Variants in ZRANB3 observed in about 807,000 individuals in gnomAD.
The protein encoded by ZRANB3 is DNA annealing helicase and endonuclease ZRANB3.
Under a neutral mutation model 133.8 loss-of-function variants are expected in ZRANB3, and 125 were observed. That is an observed-to-expected ratio of 0.93 (90% CI 0.81 to 1.08). ZRANB3 has a LOEUF of 1.08. Ranked by LOEUF, ZRANB3 falls within the 50% of genes least tolerant of loss-of-function variation. The pLI, the probability that ZRANB3 is intolerant of heterozygous loss-of-function variation, is 0.00. For missense variants in ZRANB3, 1,229 were observed against 1,275.5 expected (o/e 0.96, Z 0.56); for synonymous variants, 387 against 432.7 (o/e 0.89, Z 1.31).
chr2:135,284,285 A>G (rs1459735992), intron 8 of ZRANB3, among the ~76,000 whole-genome samples: 1 of 152,266 alleles, frequency 6.6e-6, no homozygotes, highest in Non-Finnish European at 1.5e-5. Flanking sequence ...TGATTGGCAC[A>G]TAGTGAACAT....
chr2:135,334,788 A>G lies in ZRANB3; in HGVS notation c.677+10762T>C, dbSNP rs1292754175. 1.3e-5 allele frequency among the ~76,000 whole-genome samples: 2 copies of G among 151,930 alleles called. 1 individual carries two copies. Among genetic ancestry groups the G allele is most frequent in the Admixed American group, 1.3e-4 (2 of 15,242 alleles). On this transcript the variant is annotated intron_variant, in intron 6 of 20. Coordinates refer to ENST00000264159, the MANE Select transcript of ZRANB3 (RefSeq NM_032143.4). ...CGCGCGCCTGTAGTCCCAGCTACTT[A>G]GGAGGCTGAGGCAAGAGAATCGGTT...
Position 135,197,519 on chromosome 2 carries a change from G to C in ZRANB3, c.*2823C>G, listed in dbSNP as rs1212696715. ...AATCTCCCCAAGAAATGTACGTTGG[G>C]CTGTAATTAACGCCAAGAGTGGGCG... On this transcript the variant is annotated 3_prime_UTR_variant, in exon 21 of 21. Transcript: ENST00000264159. 1 of 152,220 alleles carries C rather than the reference G, an allele frequency of 6.6e-6. No homozygotes were observed. The highest frequency in any genetic ancestry group is 1.5e-5 in the Non-Finnish European group (1 of 68,030). 9.4% of individuals were successfully genotyped at this position (152,220 alleles called of 1,614,324 possible).
intron 1 of ZRANB3, among the ~76,000 whole-genome samples, chr2:135,530,330 G>C (rs753601414): frequency 5.3e-5 from 8 of 152,106 alleles, no homozygotes; most frequent in Admixed American, 1.3e-4. Context: ...AAATTTAGCC[G>C]TGCAATCTAA....
At chr2:135,515,075 A>C (rs1322072921) in intron 1 of ZRANB3, among the ~76,000 whole-genome samples, 3 of 152,160 alleles carry the variant, frequency 2.0e-5, no homozygotes, top group Non-Finnish European at 2.9e-5. Context: ...GATGTTCATC[A>C]GAAATAATGG....
At chr2:135,204,609 G>A (rs1270715100) in intron 19 of ZRANB3, among the ~76,000 whole-genome samples, 1 of 141,358 alleles carries the variant, frequency 7.1e-6, no homozygotes, top group African/African-American at 2.7e-5. Context: ...GATCATCCTG[G>A]GAAACACAGT....
intron 10 of ZRANB3, among the ~76,000 whole-genome samples, chr2:135,270,576 C>G (rs953124176): frequency 7.2e-5 from 11 of 152,220 alleles, no homozygotes; most frequent in Non-Finnish European, 1.2e-4. Flanking sequence ...ATTCTAAGCC[C>G]TTTTTGATGA....
At chr2:135,286,040 CATT>C (rs1352912049) in intron 8 of ZRANB3, among the ~76,000 whole-genome samples, 4 of 152,212 alleles carry the variant, frequency 2.6e-5, no homozygotes, top group African/African-American at 4.8e-5. Flanking sequence ...TATTTATCAT[CATT>C]ATTTTAAAAA....
chr2:135,202,837 T>C lies in ZRANB3; in HGVS notation c.3136A>G (p.Lys1046Glu). The C allele has an allele frequency of 6.2e-7, 1 of 1,607,376 alleles. No individual in the cohort carries two copies. The highest frequency in any genetic ancestry group is 1.1e-5 in the South Asian group (1 of 89,382). The change falls in exon 20 of 21, where the codon AAA becomes GAA. Residue 1046 changes from lysine to glutamate, a missense_variant. Physicochemically the swap from Lys to Glu is moderately conservative, Grantham distance 56. Transcript: ENST00000264159. The part of the protein sequence containing the change: ...NLQTLCTVCH[K>E]ERTARQAKER... ...TATATGAGAGCTTCACTGACCTCTT[T>C]GTGACAGACTGTGCAGAGAGTCTGC...
chr2:135,403,170 G>T (rs529100445), intron 2 of ZRANB3, among the ~76,000 whole-genome samples: 1 of 152,210 alleles, frequency 6.6e-6, no homozygotes, highest in Non-Finnish European at 1.5e-5. Context: ...CCTCACACGG[G>T]AACCGCAAGG....
chr2:135,253,118 C>T (rs1679482958), intron 12 of ZRANB3, among the ~76,000 whole-genome samples: 1 of 152,118 alleles, frequency 6.6e-6, no homozygotes, highest in East Asian at 1.9e-4. Flanking sequence ...CCTGATAGTA[C>T]CAAAGTAAAA....
chr2:135,405,967 G>T (rs897918591), intron 2 of ZRANB3, among the ~76,000 whole-genome samples: 3 of 152,032 alleles, frequency 2.0e-5, no homozygotes, highest in Admixed American at 2.0e-4. Context: ...AAATAACTAA[G>T]ATCAGAGTAG....
chr2:135,242,489 G>A (rs1695595657), intron 12 of ZRANB3, among the ~76,000 whole-genome samples: 1 of 151,228 alleles, frequency 6.6e-6, no homozygotes. Flanking sequence ...TGGGGTCTCA[G>A]TGTTACCCAG....
At chr2:135,371,932 T>A (rs1686199698) in intron 3 of ZRANB3, among the ~76,000 whole-genome samples, 1 of 151,970 alleles carries the variant, frequency 6.6e-6, no homozygotes, top group Non-Finnish European at 1.5e-5. Context: ...TTCTAACACT[T>A]TGGGAGGCCA....
At chr2:135,343,996 A>C (rs1332346999) in intron 6 of ZRANB3, among the ~76,000 whole-genome samples, 1 of 152,226 alleles carries the variant, frequency 6.6e-6, no homozygotes, top group Non-Finnish European at 1.5e-5. Context: ...CATGCCCTTT[A>C]AACTAGCAAT....
At chr2:135,201,477 A>AC (rs779480039) in intron 20 of ZRANB3, among the ~76,000 whole-genome samples, 3 of 151,660 alleles carry the variant, frequency 2.0e-5, no homozygotes, top group African/African-American at 7.3e-5. Flanking sequence ...ACATGGTGAA[A>AC]CCCCGTCTCT....
chr2:135,350,311 A>C, intron 4 of ZRANB3, 96 bp from the exon 5 acceptor site: 1 of 809,142 alleles, frequency 1.2e-6, no homozygotes. Context: ...AGGAGAAGAA[A>C]GAAGAATAGA....
At chr2:135,332,013 G>T (rs1363775619) in intron 6 of ZRANB3, among the ~76,000 whole-genome samples, 1 of 151,822 alleles carries the variant, frequency 6.6e-6, no homozygotes, top group East Asian at 1.9e-4. Flanking sequence ...TTAATGCATG[G>T]GACAAGGCAT....
chr2:135,502,786 A>G (rs546446857), intron 2 of ZRANB3, among the ~76,000 whole-genome samples: 1 of 152,218 alleles, frequency 6.6e-6, no homozygotes, highest in Non-Finnish European at 1.5e-5. Context: ...CTAACTCCAT[A>G]AAAGCAATGG....
At chr2:135,204,983 G>A (rs1328609604) in intron 19 of ZRANB3, among the ~76,000 whole-genome samples, 1 of 151,826 alleles carries the variant, frequency 6.6e-6, no homozygotes, top group Non-Finnish European at 1.5e-5. Context: ...AGTAACTGGA[G>A]TCTGACTGAC....
Sources: allele counts gnomAD v4.1 joint callset (sites outside exome capture counted in the v4.1 genomes callset), GRCh38; gene constraint gnomAD v4.1.1; transcripts MANE v1.5; gene names NCBI Gene and HGNC (gene_info 2026-07-23, HGNC 2026-07-21).